GRXCR1: variants seen among roughly 807,000 people sequenced by gnomAD.
GRXCR1 encodes glutaredoxin domain-containing cysteine-rich protein 1.
Under a neutral mutation model 27.3 loss-of-function variants are expected in GRXCR1, and 27 were observed. The observed-to-expected ratio is 0.99, with a 90% CI of 0.73 to 1.37. GRXCR1 has a LOEUF of 1.37. Ranked by LOEUF, GRXCR1 falls within the 40% of genes most tolerant of loss-of-function variation. GRXCR1 has a pLI of 0.00. For missense variants in GRXCR1, 379 were observed against 354.4 expected (o/e 1.07, Z -0.56); for synonymous variants, 122 against 131.1 (o/e 0.93, Z 0.47).
intron 1 of GRXCR1, among the ~76,000 whole-genome samples, chr4:42,910,053 TACAATCATAGCAG>T (rs1271050470): frequency 6.6e-6 from 1 of 152,048 alleles, no homozygotes; most frequent in Non-Finnish European, 1.5e-5. Flanking sequence ...TCAGGAAGCT[TACAATCATAGCAG>T]AAGGAGAAGC....
At chr4:42,959,024 G>T (rs1485834215) in intron 1 of GRXCR1, among the ~76,000 whole-genome samples, 1 of 151,846 alleles carries the variant, frequency 6.6e-6, no homozygotes, top group Non-Finnish European at 1.5e-5. Context: ...CTAAAGAAAT[G>T]AAAAACAGAA....
At chr4:42,995,103 C>G (rs1265817187) in intron 2 of GRXCR1, among the ~76,000 whole-genome samples, 3 of 151,988 alleles carry the variant, frequency 2.0e-5, no homozygotes, top group Non-Finnish European at 4.4e-5. Context: ...TATACATAAA[C>G]TTGGGAATTA....
At chr4:42,937,707 C>A (rs1439133432) in intron 1 of GRXCR1, among the ~76,000 whole-genome samples, 1 of 151,954 alleles carries the variant, frequency 6.6e-6, no homozygotes, top group African/African-American at 2.4e-5. Flanking sequence ...TGGCTCCCAT[C>A]ACCCATCATC....
intron 1 of GRXCR1, among the ~76,000 whole-genome samples, chr4:42,935,935 A>T (rs947497504): frequency 6.6e-6 from 1 of 151,896 alleles, no homozygotes; most frequent in Non-Finnish European, 1.5e-5. Flanking sequence ...GCTTTTTAAA[A>T]GGGGGGAATG....
chr4:42,972,251 A>C (rs1010301521), intron 2 of GRXCR1, among the ~76,000 whole-genome samples: 49 of 151,952 alleles, frequency 3.2e-4, no homozygotes, highest in Non-Finnish European at 1.5e-5. Context: ...TGTTATCTTC[A>C]TTTCTTTTTG....
chr4:42,909,570 G>A (rs953274020), intron 1 of GRXCR1, among the ~76,000 whole-genome samples: 1 of 152,068 alleles, frequency 6.6e-6, no homozygotes, highest in Non-Finnish European at 1.5e-5. Context: ...AGTGCCATCT[G>A]GTTAGCCAAT....
At chr4:42,923,788 G>T (rs1453749200) in intron 1 of GRXCR1, among the ~76,000 whole-genome samples, 1 of 151,914 alleles carries the variant, frequency 6.6e-6, no homozygotes, top group African/African-American at 2.4e-5. Context: ...GATAGATACT[G>T]CTCACTGGCC....
chr4:42,919,717 T>C (rs540424212), intron 1 of GRXCR1, among the ~76,000 whole-genome samples: 2 of 152,244 alleles, frequency 1.3e-5, no homozygotes, highest in South Asian at 2.1e-4. Flanking sequence ...AACAAGGCCA[T>C]TTCCAGGAAA....
At chr4:42,922,633 G>T (rs566192860) in intron 1 of GRXCR1, among the ~76,000 whole-genome samples, 1 of 152,190 alleles carries the variant, frequency 6.6e-6, no homozygotes, top group Admixed American at 6.6e-5. Context: ...GTAGGTTAAA[G>T]GTATTGGCCC....
At chr4:42,927,115 C>A (rs1001645810) in intron 1 of GRXCR1, among the ~76,000 whole-genome samples, 1 of 151,986 alleles carries the variant, frequency 6.6e-6, no homozygotes, top group Non-Finnish European at 1.5e-5. Context: ...TCTTAAAGAG[C>A]ATTTGTTGGT....
At chr4:42,939,288 G>T (rs1747544238) in intron 1 of GRXCR1, among the ~76,000 whole-genome samples, 1 of 151,872 alleles carries the variant, frequency 6.6e-6, no homozygotes, top group Non-Finnish European at 1.5e-5. Flanking sequence ...TTACTTCCTT[G>T]ATTTCTTTTT....
chr4:42,912,942 A>G (rs1746757593), intron 1 of GRXCR1, among the ~76,000 whole-genome samples: 1 of 152,080 alleles, frequency 6.6e-6, no homozygotes, highest in African/African-American at 2.4e-5. Context: ...TGATGGTTTT[A>G]TAAGGGGGTT....
At chr4:42,924,483 T>C (rs1474604348) in intron 1 of GRXCR1, among the ~76,000 whole-genome samples, 1 of 152,102 alleles carries the variant, frequency 6.6e-6, no homozygotes, top group Admixed American at 6.6e-5. Flanking sequence ...CCCAAGGTTG[T>C]ACATTTAAGA....
In GRXCR1 at chr4:43,006,797, A is replaced by G. The variant is rs569124743; in HGVS notation, c.628-13557A>G. 9.2e-5 allele frequency among the ~76,000 whole-genome samples: 14 copies of G among 152,252 alleles called. No individual in the cohort carries two copies. In the South Asian group the frequency reaches 2.9e-3, roughly 32 times the overall value. On this transcript the variant is annotated intron_variant, in intron 2 of 3. Transcript: ENST00000399770. ...TTCACACACTCCCTCTCCTTTTGAA[A>G]ATCCCTGATAAAAACTTGCTGGTTT...
At chr4:42,969,541 T>C (rs1316071110) in intron 2 of GRXCR1, among the ~76,000 whole-genome samples, 2 of 152,042 alleles carry the variant, frequency 1.3e-5, no homozygotes, top group African/African-American at 2.4e-5. Flanking sequence ...GTCTTTACAA[T>C]GGTGGAGCAC....
chr4:42,971,103 AG>A (rs1748376229), intron 2 of GRXCR1, among the ~76,000 whole-genome samples: 1 of 152,130 alleles, frequency 6.6e-6, no homozygotes, highest in Non-Finnish European at 1.5e-5. Context: ...TTTGCTATAG[AG>A]TGACCTTTAC....
chr4:42,932,656 AGAGAGAG>A (rs1246439582), intron 1 of GRXCR1, among the ~76,000 whole-genome samples: 7 of 131,820 alleles, frequency 5.3e-5, no homozygotes, highest in African/African-American at 2.0e-4. Context: ...AGAGAGAGAG[AGAGAGAG>A]AGGCAATCTG....
chr4:42,938,918 T>C (rs907593796), intron 1 of GRXCR1, among the ~76,000 whole-genome samples: 4 of 151,994 alleles, frequency 2.6e-5, no homozygotes, highest in African/African-American at 9.7e-5. Context: ...AGCTCTGTAG[T>C]ATCATTTGAA....
chr4:42,963,737 T>A (rs991958338), intron 2 of GRXCR1, among the ~76,000 whole-genome samples: 1 of 151,922 alleles, frequency 6.6e-6, no homozygotes, highest in Middle Eastern at 3.2e-3. Context: ...GTTAGTGTAG[T>A]TAACTCCCAT....
Sources: gnomAD v4.1 joint callset for allele counts (sites outside exome capture counted in the v4.1 genomes callset) on GRCh38, gnomAD v4.1.1 for gene constraint, MANE v1.5 for transcripts, NCBI Gene and HGNC (gene_info 2026-07-23, HGNC 2026-07-21) for gene names.